The following CDKN3 variants were observed in gnomAD, a reference collection of about 807,000 sequenced individuals.
The protein encoded by CDKN3 is cyclin dependent kinase inhibitor 3.
CDKN3 carries 19 observed loss-of-function variants against 36.1 expected under a neutral mutation model. The observed-to-expected ratio is 0.53, with a 90% CI of 0.37 to 0.77. The LOEUF (loss-of-function observed/expected upper bound fraction) is 0.77, where lower values mean the gene tolerates loss of function less well. CDKN3 is among the 30% of genes least tolerant of loss of function. The pLI, the probability that CDKN3 is intolerant of heterozygous loss-of-function variation, is 0.00. For synonymous variants in CDKN3, 71 were observed against 85.3 expected (o/e 0.83, Z 0.92); for missense variants, 188 against 248.6 (o/e 0.76, Z 1.64).
rs201818241 is a variant in CDKN3, at chr14:54,417,934, G to A, written c.535G>A (p.Ala179Thr). Residue 179 changes from alanine (A) to threonine (T), a missense_variant, in exon 7 of 8, where the codon GCA becomes ACA. Transcript: ENST00000335183. ...DSLRDLRGSG[A>T]IQTIKQYNYL... ...CCTGCGAGACCTAAGAGGATCCGGG[G>A]CAATACAGACCATCAAGGTGAGGAG... is the stretch of plus-strand genomic sequence containing the variant. The A allele has an allele frequency of 1.6e-5, 25 of 1,586,984 alleles. No individual in the cohort carries two copies. The East Asian group carries it at 5.4e-4, about 34-fold the overall frequency.
intron 3 of CDKN3, among the ~76,000 whole-genome samples, chr14:54,402,099 T>C (rs1185003287): frequency 6.6e-6 from 1 of 151,846 alleles, no homozygotes. Flanking sequence ...TCCCAGCTAC[T>C]TGGGAGGCTG....
intron 7 of CDKN3, chr14:54,418,166 T>G: frequency 1.4e-6 from 1 of 704,708 alleles, no homozygotes; most frequent in Non-Finnish European, 2.6e-6. Context: ...GCACACAGGA[T>G]TTCAAACAAG....
At chr14:54,412,636 G>A (rs1380144693) in intron 5 of CDKN3, among the ~76,000 whole-genome samples, 1 of 152,118 alleles carries the variant, frequency 6.6e-6, no homozygotes, top group Non-Finnish European at 1.5e-5. Flanking sequence ...CAGCTTGGAG[G>A]AAGGCCAGAG....
chr14:54,403,457 T>C (rs1231993708), intron 3 of CDKN3, among the ~76,000 whole-genome samples: 1 of 152,252 alleles, frequency 6.6e-6, no homozygotes, highest in Non-Finnish European at 1.5e-5. Flanking sequence ...CAATGAGGTT[T>C]CTAAATATAC....
At position 54,401,610 on chromosome 14, in the gene CDKN3, A is replaced by G. The variant is rs755511878; in HGVS notation, c.148+31A>G. On this transcript the variant is annotated intron_variant, in intron 3 of 7. Transcript: ENST00000335183. ...TAACACAATAATGGGCTTCCTATCA[A>G]TATGTATATATTTTTTAATATATTT... The G allele has an allele frequency of 2.1e-6, 3 of 1,397,502 alleles. No homozygotes were observed. The East Asian group carries it at 6.9e-5, about 32-fold the overall frequency. 86.6% of individuals were successfully genotyped at this position (1,397,502 alleles called of 1,614,324 possible). A position where few individuals can be genotyped will look rare whatever the true frequency, so the allele number is the denominator to read the frequency against.
At chr14:54,399,739 CATTT>C (rs1363379802) in intron 1 of CDKN3, 151 bp from the exon 2 acceptor site, 33 of 624,122 alleles carry the variant, frequency 5.3e-5, no homozygotes, top group Non-Finnish European at 8.7e-5. Context: ...AAATAGCAGT[CATTT>C]ATTATTAATA....
chr14:54,416,873 C>A (rs1224402976), intron 6 of CDKN3, among the ~76,000 whole-genome samples: 1 of 152,082 alleles, frequency 6.6e-6, no homozygotes, highest in Non-Finnish European at 1.5e-5. Context: ...GGCAAAGTAT[C>A]CGAATAAACC....
chr14:54,401,350 G>GT (rs953256102), intron 2 of CDKN3, among the ~76,000 whole-genome samples, 174 bp from the exon 3 acceptor site: 65 of 150,912 alleles, frequency 4.3e-4, no homozygotes, highest in South Asian at 1.0e-3. Context: ...GTCTTTCTAT[G>GT]TTTTTTTTTG....
chr14:54,397,771 C>A (rs1886355340), intron 1 of CDKN3, among the ~76,000 whole-genome samples: 1 of 152,224 alleles, frequency 6.6e-6, no homozygotes, highest in African/African-American at 2.4e-5. Context: ...GGCTTGACAA[C>A]CTACTGGAAG....
chr14:54,402,309 C>CGTGT (rs35529322), intron 3 of CDKN3, among the ~76,000 whole-genome samples: 7,244 of 147,766 alleles, frequency 0.049, 209 homozygotes, highest in Non-Finnish European at 0.049. Flanking sequence ...CATGTGTGTG[C>CGTGT]GTGTGTGTGT....
intron 3 of CDKN3, among the ~76,000 whole-genome samples, chr14:54,404,117 G>A (rs1025176899): frequency 2.6e-5 from 4 of 152,184 alleles, no homozygotes; most frequent in African/African-American, 9.7e-5. Context: ...AATGGTACCA[G>A]CTCCTCTTTG....
chr14:54,413,143 G>A (rs1344480273), intron 5 of CDKN3, among the ~76,000 whole-genome samples: 1 of 152,162 alleles, frequency 6.6e-6, no homozygotes, highest in Admixed American at 6.5e-5. Context: ...AGAACTAGAA[G>A]CCATTCTACA....
chr14:54,398,695 A>G (rs1375480936), intron 1 of CDKN3, among the ~76,000 whole-genome samples: 1 of 152,176 alleles, frequency 6.6e-6, no homozygotes, highest in African/African-American at 2.4e-5. Context: ...TAAAATTTCA[A>G]CAAGGAGTGT....
At chr14:54,403,051 A>G (rs12323465) in intron 3 of CDKN3, among the ~76,000 whole-genome samples, 2,678 of 152,252 alleles carry the variant, frequency 0.018, 79 homozygotes, top group African/African-American at 0.06. Flanking sequence ...TTTGTTCCAT[A>G]TGAAATTTAA....
Position 54,414,543 on chromosome 14 carries a change from C to CT in CDKN3, c.417-1341dup, listed in dbSNP as rs112279322. Among the ~76,000 whole-genome samples the CT allele has an allele frequency of 6.6e-3, 920 of 139,670 alleles. 7 individuals carry two copies. Among genetic ancestry groups the CT allele is most frequent in the African/African-American group, 0.019 (744 of 38,616 alleles). The allele number at this position is 139,670 out of a possible 152,430, so 91.6% of individuals were successfully genotyped here. ...AGACACTGAAGTGTTCTATCTTGAT[C>CT]TTTTTTTTTTTTTTTAATAAGGCAG... On this transcript the variant is annotated intron_variant, in intron 5 of 7. Coordinates refer to ENST00000335183, the MANE Select transcript of CDKN3 (RefSeq NM_005192.4).
chr14:54,404,741 A>AT (rs1178903037), intron 3 of CDKN3, among the ~76,000 whole-genome samples: 1 of 151,774 alleles, frequency 6.6e-6, no homozygotes, highest in Non-Finnish European at 1.5e-5. Flanking sequence ...CACCCAGCTA[A>AT]TTTTTTTGTA....
At position 54,411,589 on chromosome 14, in the gene CDKN3, G is replaced by A; in HGVS notation, c.299G>A (p.Gly100Glu). ...CTTCTGGATCTCTACCAGCAATGTG[G>A]AATTATCACCCATCATCATCCAATC... ...PNLLDLYQQC[G>E]IITHHHPIAD... The change falls in exon 5 of 8, where the codon GGA becomes GAA. Residue 100 changes from glycine (G) to glutamate (E), a missense_variant. Physicochemically the swap from Gly to Glu is moderately conservative, Grantham distance 98. Coordinates refer to ENST00000335183, the MANE Select transcript of CDKN3 (RefSeq NM_005192.4). The A allele has an allele frequency of 6.2e-7, 1 of 1,614,056 alleles. No individual in the cohort carries two copies. Among genetic ancestry groups the A allele is most frequent in the Non-Finnish European group, 8.5e-7 (1 of 1,179,960 alleles).
At position 54,417,868 on chromosome 14, in the gene CDKN3, T is replaced by C. The variant is rs1302218872; in HGVS notation, c.469T>C (p.Tyr157His). Residue 157 changes from tyrosine (Y) to histidine (H), a missense_variant, in exon 7 of 8, where the codon TAC (tyrosine) becomes CAC (histidine). Transcript: ENST00000335183. ...SCLVAACLLL[Y>H]LSDTISPEQA... ...ATTAGTAGCTGCTTGTCTCCTACTA[T>C]ACCTGTCTGACACAATATCACCAGA... 1 of 1,594,146 alleles carries C rather than the reference T, an allele frequency of 6.3e-7. No individual in the cohort carries two copies.
At chr14:54,406,588 T>G (rs567857635) in intron 3 of CDKN3, among the ~76,000 whole-genome samples, 1 of 152,046 alleles carries the variant, frequency 6.6e-6, no homozygotes, top group South Asian at 2.1e-4. Flanking sequence ...TTCATTAAGT[T>G]GGTCTCCAAT....
Sources: allele counts gnomAD v4.1 joint callset (sites outside exome capture counted in the v4.1 genomes callset), GRCh38; gene constraint gnomAD v4.1.1; transcripts MANE v1.5; gene names NCBI Gene and HGNC (gene_info 2026-07-23, HGNC 2026-07-21).